ABCC3: variants seen among roughly 807,000 people sequenced by gnomAD.
ABCC3 encodes ATP-binding cassette sub-family C member 3.
ABCC3 carries 121 observed loss-of-function variants against 165.3 expected under a neutral mutation model. The observed-to-expected ratio is 0.73, with a 90% CI of 0.63 to 0.85. ABCC3 has a LOEUF of 0.85. Among genes scored for constraint, ABCC3 ranks in the 40% least tolerant of loss-of-function variants. ABCC3 has a pLI of 0.00. For missense variants in ABCC3, 1,869 were observed against 1,964.1 expected, an observed-to-expected ratio of 0.95 and a Z score of 0.92; for synonymous variants, 733 against 810.1, an observed-to-expected ratio of 0.90 and a Z score of 1.62.
intron 8 of ABCC3, 134 bp downstream of exon 8, chr17:50,661,248 T>C: frequency 1.0e-6 from 1 of 958,462 alleles, no homozygotes; most frequent in East Asian, 2.7e-5. Flanking sequence ...ACTTTCTGTG[T>C]GACCTTTGGC....
chr17:50,676,980 G>C (rs1967834191), intron 23 of ABCC3, among the ~76,000 whole-genome samples: 1 of 151,964 alleles, frequency 6.6e-6, no homozygotes, highest in South Asian at 2.1e-4. Flanking sequence ...CGCCTCCCAG[G>C]TTCAAGCAAT....
Position 50,638,738 on chromosome 17 carries a change from C to T in ABCC3, c.45+3757C>T, listed in dbSNP as rs545385887. On this transcript the variant is annotated intron_variant, in intron 1 of 30. Coordinates refer to ENST00000285238, the MANE Select transcript of ABCC3 (RefSeq NM_003786.4). The stretch of plus-strand genomic sequence containing the variant: ...GCTGTTTACCCATCCTAGGGAGGGG[C>T]AGATCCCTGGTCCCTTGGAGGCTCA... Among the ~76,000 whole-genome samples the T allele has an allele frequency of 5.9e-5, 9 of 152,310 alleles. No homozygotes were observed. In the South Asian group the frequency reaches 1.9e-3, roughly 32 times the overall value.
chr17:50,673,960 CTTTCTTTCTTTCTT>C (rs1967717539), intron 19 of ABCC3, among the ~76,000 whole-genome samples: 1 of 21,330 alleles, frequency 4.7e-5, no homozygotes, highest in Admixed American at 6.8e-4. Flanking sequence ...TTCTTTCTTT[CTTTCTTTCTTTCTT>C]TCTTTCTCTC....
chr17:50,640,929 C>T (rs532427185), intron 1 of ABCC3, among the ~76,000 whole-genome samples: 1 of 152,348 alleles, frequency 6.6e-6, no homozygotes, highest in South Asian at 2.1e-4. Context: ...TCTGTTCATC[C>T]CTTCCCTATC....
In ABCC3 at chr17:50,692,071, A is replaced by C. The variant is rs547546023; in HGVS notation, c.*871A>C. 4.6e-5 allele frequency: 7 copies of C among 152,338 alleles called. No homozygotes were observed. Among genetic ancestry groups the C allele is most frequent in the Non-Finnish European group, 8.8e-5 (6 of 68,058 alleles). 9.4% of individuals were successfully genotyped at this position (152,338 alleles called of 1,614,324 possible). A position where few individuals can be genotyped will look rare whatever the true frequency, so the allele number is the denominator to read the frequency against. On this transcript the variant is annotated 3_prime_UTR_variant, in exon 31 of 31. Transcript: ENST00000285238. ...CCTTGCTCATTTCGAAGTCTGTTCC[A>C]GACAGTTCCTATAACCAGTGAGGCC... is the stretch of plus-strand genomic sequence containing the variant.
At position 50,671,702 on chromosome 17, in the gene ABCC3, C is replaced by CTTTTTTTTTTTTT. The variant is rs386386244; in HGVS notation, c.2242-1251_2242-1239dup. Among the ~76,000 whole-genome samples the CTTTTTTTTTTTTT allele has an allele frequency of 5.3e-5, 3 of 56,396 alleles. 1 individual carries two copies. The highest frequency in any genetic ancestry group is 1.1e-4 in the Non-Finnish European group (3 of 28,278). The allele number at this position is 56,396 out of a possible 152,430, so 37.0% of individuals were successfully genotyped here. On this transcript the variant is annotated intron_variant, in intron 17 of 30. Transcript: ENST00000285238. ...AGCTCAGGTCTCTCTTCCTTCCTTC[C>CTTTTTTTTTTTTT]TTTTTTTTTTTTTTTTTTTTTTTTT...
chr17:50,637,793 G>A (rs11653384), intron 1 of ABCC3, among the ~76,000 whole-genome samples: 28,026 of 152,280 alleles, frequency 0.18, 3,341 homozygotes, highest in Non-Finnish European at 0.26. Flanking sequence ...GGAAGAGGGA[G>A]GAGAAAGAAA....
intron 29 of ABCC3, among the ~76,000 whole-genome samples, chr17:50,686,333 T>G (rs928956213): frequency 1.1e-4 from 16 of 152,330 alleles, no homozygotes; most frequent in African/African-American, 3.8e-4. Flanking sequence ...TCGCAGCAGT[T>G]CAGCTGGTAA....
At chr17:50,690,902 T>G (rs1259939487) in intron 30 of ABCC3, among the ~76,000 whole-genome samples, 190 bp from the exon 31 acceptor site, 1 of 152,234 alleles carries the variant, frequency 6.6e-6, no homozygotes, top group Non-Finnish European at 1.5e-5. Flanking sequence ...CAGAAACTGC[T>G]TCACTTGCCA....
chr17:50,655,417 A>AAC lies in ABCC3; in HGVS notation c.46-414_46-413insCA, dbSNP rs1320594991. ...GAGACTCTGTCTCAAAAAAAAAAAA[A>AAC]AAAACAAAAACAAAAAAAAAAGAGT... is the stretch of plus-strand genomic sequence containing the variant. On this transcript the variant is annotated intron_variant, in intron 1 of 30. Coordinates refer to ENST00000285238, the MANE Select transcript of ABCC3 (RefSeq NM_003786.4). Among the ~76,000 whole-genome samples the AAC allele has an allele frequency of 7.4e-5, 11 of 148,382 alleles. 1 individual carries two copies. The highest frequency in any genetic ancestry group is 4.3e-4 in the South Asian group (2 of 4,680).
chr17:50,635,129 C>T (rs765373100), intron 1 of ABCC3, 148 bp downstream of exon 1: 186 of 894,516 alleles, frequency 2.1e-4, no homozygotes, highest in Admixed American at 2.7e-4. Flanking sequence ...GGGCGATGGG[C>T]TCGGGAGGGA....
At chr17:50,669,614 A>T (rs558918312) in intron 17 of ABCC3, 86 bp downstream of exon 17, 1 of 1,416,792 alleles carries the variant, frequency 7.1e-7, no homozygotes, top group East Asian at 2.3e-5. Flanking sequence ...TCATCCCTTC[A>T]TTCACACATT....
rs1225894969 is a variant in ABCC3, at chr17:50,675,376, G to T, written c.2614G>T (p.Glu872Ter). ...EDSWTALEGA[E>*]DKEALLIEDT... is the part of the protein sequence containing the mutation. ...CCCTACTGCAGCGTTGGAAGGTGCAGAGGATAAGGAGGCACTGCTGATTGA... is the reference window on the plus strand; with the variant it reads ...CCCTACTGCAGCGTTGGAAGGTGCATAGGATAAGGAGGCACTGCTGATTGA... The change falls in exon 20 of 31, where the codon GAG becomes TAG. Residue 872 changes from glutamate to a stop codon, truncating the protein, a stop_gained. Transcript: ENST00000285238. LOFTEE classifies it high-confidence loss of function. 6.2e-7 allele frequency: 1 copy of T among 1,613,168 alleles called. No homozygotes were observed. Among genetic ancestry groups the T allele is most frequent in the Non-Finnish European group, 8.5e-7 (1 of 1,179,474 alleles).
At chr17:50,683,112 G>C (rs1286783337) in intron 26 of ABCC3, among the ~76,000 whole-genome samples, 4 of 152,092 alleles carry the variant, frequency 2.6e-5, no homozygotes, top group Admixed American at 6.5e-5. Context: ...AGGAGGCTGA[G>C]GCAGGAGGAT....
chr17:50,690,286 G>A (rs765081588), intron 30 of ABCC3, among the ~76,000 whole-genome samples: 13 of 146,828 alleles, frequency 8.9e-5, no homozygotes, highest in Non-Finnish European at 1.8e-4. Context: ...TTACCCAAGA[G>A]CAATCAAAAG....
In ABCC3 at chr17:50,684,812, C is replaced by T. The variant is rs140060241; in HGVS notation, c.4217C>T (p.Thr1406Met). The T allele has an allele frequency of 3.0e-4, 486 of 1,614,168 alleles. 1 individual carries two copies. The East Asian group carries it at 5.0e-3, about 17-fold the overall frequency. ...GCTTTGGAGCTGTCCCACCTGCACA[C>T]GTTTGTGAGCTCCCAGCCGGCAGGC... The part of the protein sequence containing the change: ...WWALELSHLH[T>M]FVSSQPAGLD... Residue 1406 changes from threonine (T) to methionine (M), a missense_variant, in exon 29 of 31, where the codon ACG becomes ATG. Transcript: ENST00000285238.
chr17:50,691,275 G>A lies in ABCC3; in HGVS notation c.*75G>A. Reference sequence around the variant, plus strand: ...GGAAATGACACCAAATATGTCCGCAGAATGGACTTGATAGCAAACACTGGG... The same window carrying A: ...GGAAATGACACCAAATATGTCCGCAAAATGGACTTGATAGCAAACACTGGG... On this transcript the variant is annotated 3_prime_UTR_variant, in exon 31 of 31. Transcript: ENST00000285238. 1 of 1,183,874 alleles carries A rather than the reference G, an allele frequency of 8.4e-7. No individual in the cohort carries two copies. The highest frequency in any genetic ancestry group is 1.2e-6 in the Non-Finnish European group (1 of 801,830). The allele number at this position is 1,183,874 out of a possible 1,614,324, so 73.3% of individuals were successfully genotyped here.
intron 28 of ABCC3, among the ~76,000 whole-genome samples, 190 bp from the exon 29 acceptor site, chr17:50,684,519 T>C (rs872793): frequency 0.12 from 18,203 of 152,162 alleles, 1,625 homozygotes; most frequent in African/African-American, 0.25. Flanking sequence ...GTCTTCGTGA[T>C]TGGCAAAGCT....
chr17:50,678,632 C>T (rs1170518739), intron 25 of ABCC3, among the ~76,000 whole-genome samples: 1 of 152,120 alleles, frequency 6.6e-6, no homozygotes, highest in Non-Finnish European at 1.5e-5. Context: ...TTTAAAAGCC[C>T]AGAAGAGGGA....
Sources: allele counts gnomAD v4.1 joint callset (sites outside exome capture counted in the v4.1 genomes callset), GRCh38; gene constraint gnomAD v4.1.1; transcripts MANE v1.5; gene names NCBI Gene and HGNC (gene_info 2026-07-23, HGNC 2026-07-21).